The following PIK3R5 variants were observed in gnomAD, a reference collection of about 807,000 sequenced individuals.
PIK3R5 encodes the protein phosphoinositide-3-kinase regulatory subunit 5.
PIK3R5 carries 32 observed loss-of-function variants against 94.9 expected under a neutral mutation model. The observed-to-expected ratio is 0.34, with a 90% CI of 0.25 to 0.45. The LOEUF (loss-of-function observed/expected upper bound fraction) is 0.45. Ranked by LOEUF, PIK3R5 falls within the 20% of genes least tolerant of loss-of-function variation. The pLI is 1.00. For missense variants in PIK3R5, 853 were observed against 1,144.6 expected (o/e 0.75, Z 3.68); for synonymous variants, 443 against 479.4 (o/e 0.92, Z 0.99).
rs1327657981 is a variant in PIK3R5 at position 8,881,519 on chromosome 17, A to G, written c.2382+111T>C. 4.8e-6 allele frequency: 4 copies of G among 827,518 alleles called. No homozygotes were observed. The highest frequency in any genetic ancestry group is 8.1e-6 in the Non-Finnish European group (4 of 493,316). 51.3% of individuals were successfully genotyped at this position (827,518 alleles called of 1,614,324 possible). On this transcript the variant is annotated intron_variant, in intron 17 of 18. Transcript: ENST00000447110. This position sits in a 1 kb window ranked among gnomAD's most constrained non-coding sequence, Gnocchi z 4.8. Reference sequence around the variant, plus strand: ...CACAAGTATGTACACACGGGTGTGTATGTGCACACATGCACACACATACAT... The same window carrying G: ...CACAAGTATGTACACACGGGTGTGTGTGTGCACACATGCACACACATACAT...
intron 1 of PIK3R5, among the ~76,000 whole-genome samples, chr17:8,923,895 C>A (rs1340387861): frequency 7.4e-6 from 1 of 135,042 alleles, no homozygotes; most frequent in Non-Finnish European, 1.6e-5. Flanking sequence ...CCCTCCCCTC[C>A]CCTCCCCTCC....
chr17:8,962,883 C>T (rs1161616753), intron 1 of PIK3R5, among the ~76,000 whole-genome samples: 5 of 152,200 alleles, frequency 3.3e-5, no homozygotes, highest in Non-Finnish European at 7.3e-5. Context: ...CTCCTCCCAC[C>T]CCATCTATAT....
chr17:8,885,805 C>A (rs1224827055), intron 14 of PIK3R5, among the ~76,000 whole-genome samples: 1 of 122,384 alleles, frequency 8.2e-6, no homozygotes, highest in East Asian at 2.6e-4. Flanking sequence ...CCCGCCCTCC[C>A]ATGGCCCCAC....
intron 1 of PIK3R5, among the ~76,000 whole-genome samples, chr17:8,948,328 T>C (rs2091315891): frequency 6.6e-6 from 1 of 152,176 alleles, no homozygotes; most frequent in African/African-American, 2.4e-5. Context: ...AGATGTTTTA[T>C]TTAGTCAGCA....
chr17:8,885,091 C>T, intron 14 of PIK3R5: 1 of 380,926 alleles, frequency 2.6e-6, no homozygotes, highest in Non-Finnish European at 4.9e-6. Flanking sequence ...TCTCCAGGGC[C>T]CCATCTCCGC....
Position 8,891,000 on chromosome 17 carries a change from C to A in PIK3R5, c.483-88G>T. On this transcript the variant is annotated intron_variant, in intron 6 of 18. Transcript: ENST00000447110. This position sits in a 1 kb window ranked among gnomAD's most constrained non-coding sequence, Gnocchi z 6.1. Reference sequence around the variant, plus strand: ...CCCCCTCGTGCCTGCTGGTGCTCAGCTCCACTGAGACCAGGGCCTCCTCAA... The same window carrying A: ...CCCCCTCGTGCCTGCTGGTGCTCAGATCCACTGAGACCAGGGCCTCCTCAA... 1 of 1,312,420 alleles carries A rather than the reference C, an allele frequency of 7.6e-7. No individual in the cohort carries two copies. 81.3% of individuals were successfully genotyped at this position (1,312,420 alleles called of 1,614,324 possible).
At position 8,946,303 on chromosome 17, in the gene PIK3R5, A is replaced by G. The variant is rs112176036; in HGVS notation, c.-14+19293T>C. On this transcript the variant is annotated intron_variant, in intron 1 of 18. Transcript: ENST00000447110. ...GAAGCCACTAGACCACGTGTTCAGA[A>G]AAGTCCAGATGGAAAAGCTAGAAAG... Among the ~76,000 whole-genome samples the G allele has an allele frequency of 9.0e-3, 1,375 of 152,144 alleles. 7 individuals carry two copies. The highest frequency in any genetic ancestry group is 0.013 in the Non-Finnish European group (860 of 67,994).
In PIK3R5 at chr17:8,884,689, C is replaced by A. The variant is rs761790181; in HGVS notation, c.2205+18G>T. On this transcript the variant is annotated intron_variant, in intron 15 of 18. Coordinates refer to ENST00000447110, the MANE Select transcript of PIK3R5 (RefSeq NM_001142633.3). This position sits in a 1 kb window ranked among gnomAD's most constrained non-coding sequence, Gnocchi z 5.8. ...GCAGCAGATCCTGGAGGGGAAGGAG[C>A]CCCAGCACGGGTCTTACCTTGCTGT... is the stretch of plus-strand genomic sequence containing the variant. 6.3e-7 allele frequency: 1 copy of A among 1,591,060 alleles called. No homozygotes were observed. Among genetic ancestry groups the A allele is most frequent in the Non-Finnish European group, 8.6e-7 (1 of 1,159,504 alleles).
At chr17:8,926,870 A>G (rs1406172982) in intron 1 of PIK3R5, among the ~76,000 whole-genome samples, 1 of 152,118 alleles carries the variant, frequency 6.6e-6, no homozygotes, top group Non-Finnish European at 1.5e-5. Flanking sequence ...TTCATAATAT[A>G]TATTTTATGC....
chr17:8,882,145 G>A lies in PIK3R5; in HGVS notation c.2206-264C>T. 2.1e-6 allele frequency: 1 copy of A among 485,672 alleles called. No individual in the cohort carries two copies. Among genetic ancestry groups the A allele is most frequent in the Non-Finnish European group, 3.7e-6 (1 of 267,136 alleles). The allele number at this position is 485,672 out of a possible 1,614,324, so 30.1% of individuals were successfully genotyped here. ...AAGAGCTGAGAGCACCTGCAGGGGT[G>A]GTCCTGAAGCTCTCCTGCCGGGCCC... On this transcript the variant is annotated intron_variant, in intron 15 of 18. Transcript: ENST00000447110. The surrounding 1 kb of genome is among the most constrained non-coding windows in gnomAD (Gnocchi z 4.1).
chr17:8,894,308 C>T (rs1010245884), intron 5 of PIK3R5, among the ~76,000 whole-genome samples: 16 of 152,192 alleles, frequency 1.1e-4, no homozygotes, highest in African/African-American at 3.1e-4. Flanking sequence ...CGGTCCCTGC[C>T]GCTGCCCCCT....
rs574695421 is a variant in PIK3R5, at chr17:8,881,071, C to T, written c.2383-54G>A. 59 of 1,306,882 alleles carry T rather than the reference C, an allele frequency of 4.5e-5. No individual in the cohort carries two copies. The South Asian group carries it at 6.7e-4, about 15-fold the overall frequency. 81.0% of individuals were successfully genotyped at this position (1,306,882 alleles called of 1,614,324 possible). A position where few individuals can be genotyped will look rare whatever the true frequency, so the allele number is the denominator to read the frequency against. ...ATCCCTGGCCATCCAACACTGCCAGCCCCTGGCAGTTCCTTTTCTCAGAAC... is the reference window on the plus strand; with the variant it reads ...ATCCCTGGCCATCCAACACTGCCAGTCCCTGGCAGTTCCTTTTCTCAGAAC... On this transcript the variant is annotated intron_variant, in intron 17 of 18. Transcript: ENST00000447110. This position sits in a 1 kb window ranked among gnomAD's most constrained non-coding sequence, Gnocchi z 4.8.
intron 1 of PIK3R5, among the ~76,000 whole-genome samples, chr17:8,922,555 A>C (rs997014629): frequency 6.6e-6 from 1 of 151,930 alleles, no homozygotes; most frequent in African/African-American, 2.4e-5. Context: ...AGTCATTTCT[A>C]CTGGTTTCTA....
intron 1 of PIK3R5, among the ~76,000 whole-genome samples, chr17:8,954,717 C>A (rs923895949): frequency 1.3e-5 from 2 of 152,050 alleles, no homozygotes; most frequent in African/African-American, 4.8e-5. Context: ...GGGTAGATCA[C>A]CTGAGGTCAG....
intron 1 of PIK3R5, among the ~76,000 whole-genome samples, chr17:8,917,268 C>A (rs1001647447): frequency 4.6e-5 from 7 of 152,126 alleles, no homozygotes; most frequent in African/African-American, 1.7e-4. Flanking sequence ...GTGTGTATAG[C>A]TTTAACGCTT....
intron 1 of PIK3R5, chr17:8,915,569 C>T (rs75749084): frequency 1.3e-5 from 2 of 152,488 alleles, no homozygotes; most frequent in East Asian, 3.9e-4. Context: ...CCGAGCAACA[C>T]TCTCTCGGAC....
chr17:8,904,694 G>T lies in PIK3R5; in HGVS notation c.412+83C>A. The T allele has an allele frequency of 7.1e-7, 1 of 1,413,636 alleles. No individual in the cohort carries two copies. Among genetic ancestry groups the T allele is most frequent in the Non-Finnish European group, 9.8e-7 (1 of 1,015,576 alleles). The allele number at this position is 1,413,636 out of a possible 1,614,324, so 87.6% of individuals were successfully genotyped here. ...AATCAAAGGATGCAAGGTAAGGAGG[G>T]TCACAAAAAACAGTTTCAGAGGAGT... On this transcript the variant is annotated intron_variant, in intron 5 of 18. Transcript: ENST00000447110. The surrounding 1 kb of genome is among the most constrained non-coding windows in gnomAD (Gnocchi z 5.1).
rs1159564603 is a variant in PIK3R5, at chr17:8,880,753, C to T, written c.2529G>A (p.Lys843=). 3.1e-6 allele frequency: 5 copies of T among 1,613,834 alleles called. No homozygotes were observed. Among genetic ancestry groups the T allele is most frequent in the Non-Finnish European group, 1.7e-6 (2 of 1,179,828 alleles). ...TCTGGGGTGGTGAGGAGAGGTCGCT[C>T]TTCTCTGGCTTGTAGCACGGTGAGA... The part of the protein sequence containing the change: ...CEVSPCYKPE[K]SDLSSPPQTP... The change falls in exon 19 of 19, where the codon AAG becomes AAA. Residue 843 remains lysine, a synonymous_variant. Coordinates refer to ENST00000447110, the MANE Select transcript of PIK3R5 (RefSeq NM_001142633.3).
chr17:8,894,692 T>A (rs914390012), intron 5 of PIK3R5, among the ~76,000 whole-genome samples: 26 of 152,214 alleles, frequency 1.7e-4, no homozygotes, highest in African/African-American at 6.3e-4. Flanking sequence ...GACAAGGAGA[T>A]GAAACAGAAA....
Sources: gnomAD v4.1 joint callset for allele counts (sites outside exome capture counted in the v4.1 genomes callset) on GRCh38, gnomAD v4.1.1 for gene constraint, Gnocchi (gnomAD v3.1) non-coding constraint, MANE v1.5 for transcripts, NCBI Gene and HGNC (gene_info 2026-07-23, HGNC 2026-07-21) for gene names.